The following SOX5 variants were observed in gnomAD, a reference collection of about 807,000 sequenced individuals.
The protein encoded by SOX5 is transcription factor SOX-5.
Under a neutral mutation model 92.0 loss-of-function variants are expected in SOX5, and 9 were observed. The observed-to-expected ratio is 0.10, with a 90% CI of 0.06 to 0.17. The LOEUF is 0.17. SOX5 is among the 10% of genes least tolerant of loss of function. SOX5 has a pLI of 1.00. For missense variants in SOX5, 642 were observed against 944.5 expected (o/e 0.68, Z 4.20); for synonymous variants, 344 against 336.3 (o/e 1.02, Z -0.25).
At chr12:23,821,689 T>A (rs536082973) in intron 3 of SOX5, among the ~76,000 whole-genome samples, 4 of 152,228 alleles carry the variant, frequency 2.6e-5, no homozygotes, top group Non-Finnish European at 5.9e-5. Context: ...TCGTGGTAGA[T>A]AAGCTTTTTA....
At chr12:23,763,016 C>T (rs1044968661) in intron 3 of SOX5, among the ~76,000 whole-genome samples, 1 of 152,070 alleles carries the variant, frequency 6.6e-6, no homozygotes, top group African/African-American at 2.4e-5. Flanking sequence ...ATATTAAATC[C>T]CAGCATTTCA....
intron 1 of SOX5, among the ~76,000 whole-genome samples, chr12:23,927,641 G>T (rs1940334254): frequency 1.3e-5 from 2 of 151,742 alleles, no homozygotes; most frequent in African/African-American, 4.8e-5. Context: ...ATAGTTTAAG[G>T]ACAAGTTATA....
intron 7 of SOX5, among the ~76,000 whole-genome samples, chr12:23,645,068 A>G (rs2080651930): frequency 6.6e-6 from 1 of 152,222 alleles, no homozygotes; most frequent in Non-Finnish European, 1.5e-5. Flanking sequence ...CTGTGAGACA[A>G]AACAAAACTT....
intron 3 of SOX5, chr12:24,277,159 T>C (rs1301647687): frequency 6.6e-6 from 1 of 151,882 alleles, no homozygotes; most frequent in Middle Eastern, 3.2e-3. Flanking sequence ...TCCATTTTTG[T>C]GAAATAGAAT....
chr12:23,698,437 A>T (rs969218477), intron 6 of SOX5, among the ~76,000 whole-genome samples: 3 of 152,042 alleles, frequency 2.0e-5, no homozygotes, highest in Non-Finnish European at 4.4e-5. Context: ...TCAAATGCAC[A>T]TCTTATCTTT....
intron 1 of SOX5, among the ~76,000 whole-genome samples, chr12:24,504,579 T>A (rs2138187265): frequency 6.6e-6 from 1 of 152,282 alleles, no homozygotes; most frequent in South Asian, 2.1e-4. Flanking sequence ...ATGTACATTA[T>A]TTTCAAAATG....
At chr12:24,535,994 G>A (rs1951610904) in intron 1 of SOX5, among the ~76,000 whole-genome samples, 1 of 151,834 alleles carries the variant, frequency 6.6e-6, no homozygotes, top group South Asian at 2.1e-4. Flanking sequence ...TGTACTGTTT[G>A]TGATATCCAT....
chr12:24,338,317 T>TA (rs529508368), intron 2 of SOX5, among the ~76,000 whole-genome samples: 103 of 152,302 alleles, frequency 6.8e-4, no homozygotes, highest in African/African-American at 2.4e-3. Flanking sequence ...TACGATGTGT[T>TA]AAAAATGCTA....
In SOX5 at chr12:24,473,482, A is replaced by G. The variant is rs74494942; in HGVS notation, c.-251+88847T>C. Among the ~76,000 whole-genome samples, 1,002 of 152,336 alleles carry G rather than the reference A, an allele frequency of 6.6e-3. 39 individuals carry two copies. In the East Asian group the frequency reaches 0.13, roughly 19 times the overall value. On this transcript the variant is annotated intron_variant, in intron 1 of 4. Transcript: ENST00000446891. ...TACAACACAAATTCCCAACAATAGA[A>G]TTTAAGTTGACTCTGGTGTTTTCAA...
In SOX5 at chr12:24,078,849, G is replaced by T. The variant is rs972933028; in HGVS notation, c.-2+134494C>A. 2.0e-5 allele frequency among the ~76,000 whole-genome samples: 3 copies of T among 151,882 alleles called. No homozygotes were observed. The East Asian group carries it at 5.8e-4, about 29-fold the overall frequency. On this transcript the variant is annotated intron_variant, in intron 4 of 4. Transcript: ENST00000446891. ...GTATCTTTACAGAGCACTTTTTAAG[G>T]CATTTCTGAACCAAACCTCTCAACT...
At chr12:23,792,211 T>A (rs552456496) in intron 3 of SOX5, among the ~76,000 whole-genome samples, 1 of 151,700 alleles carries the variant, frequency 6.6e-6, no homozygotes, top group African/African-American at 2.4e-5. Context: ...AGGGAAGAGA[T>A]TGAGAGAGTG....
At chr12:24,526,621 A>C (rs1265334665) in intron 1 of SOX5, among the ~76,000 whole-genome samples, 1 of 152,082 alleles carries the variant, frequency 6.6e-6, no homozygotes, top group East Asian at 1.9e-4. Flanking sequence ...AGAAGAAAGA[A>C]GAGTGGGCTC....
At chr12:23,967,013 T>C (rs1947662702) in intron 4 of SOX5, among the ~76,000 whole-genome samples, 1 of 152,190 alleles carries the variant, frequency 6.6e-6, no homozygotes, top group Admixed American at 6.5e-5. Context: ...CAGCTGTCTG[T>C]TTAACCCATA....
At chr12:23,725,273 T>C (rs1180877142) in intron 6 of SOX5, among the ~76,000 whole-genome samples, 1 of 152,090 alleles carries the variant, frequency 6.6e-6, no homozygotes, top group East Asian at 1.9e-4. Flanking sequence ...GAGTAATTTA[T>C]AAAGGAAAGA....
chr12:24,514,611 C>A (rs1949611754), intron 1 of SOX5, among the ~76,000 whole-genome samples: 1 of 152,178 alleles, frequency 6.6e-6, no homozygotes, highest in Non-Finnish European at 1.5e-5. Context: ...TGTATAAGTT[C>A]ATTGCAGCAC....
At chr12:24,234,389 G>C (rs574321360) in intron 3 of SOX5, among the ~76,000 whole-genome samples, 46 of 152,100 alleles carry the variant, frequency 3.0e-4, no homozygotes, top group Non-Finnish European at 5.9e-4. Context: ...ATGTTAAAGA[G>C]AGAGGGCTAA....
At chr12:23,573,747 G>A (rs1948720152) in intron 10 of SOX5, among the ~76,000 whole-genome samples, 1 of 152,114 alleles carries the variant, frequency 6.6e-6, no homozygotes, top group South Asian at 2.1e-4. Context: ...TTGGAGAACA[G>A]GTTATTTCGT....
At chr12:24,310,767 CAG>C (rs748839880) in intron 2 of SOX5, among the ~76,000 whole-genome samples, 2 of 151,952 alleles carry the variant, frequency 1.3e-5, no homozygotes, top group East Asian at 3.8e-4. Flanking sequence ...AGTCATATGA[CAG>C]GGAAACAGAC....
intron 3 of SOX5, among the ~76,000 whole-genome samples, chr12:24,273,254 G>T (rs1220841652): frequency 6.6e-6 from 1 of 151,908 alleles, no homozygotes; most frequent in South Asian, 2.1e-4. Flanking sequence ...GTGAGACGCG[G>T]TCTCAAAAAA....
Sources: allele counts gnomAD v4.1 joint callset (sites outside exome capture counted in the v4.1 genomes callset), GRCh38; gene constraint gnomAD v4.1.1; transcripts MANE v1.5; gene names NCBI Gene and HGNC (gene_info 2026-07-23, HGNC 2026-07-21).